Variants in BIRC6 observed in about 807,000 individuals in gnomAD.
BIRC6 encodes baculoviral IAP repeat containing 6.
Under a neutral mutation model 503.3 loss-of-function variants are expected in BIRC6, and 98 were observed. The observed-to-expected ratio is 0.19, with a 90% CI of 0.17 to 0.23. BIRC6 has a LOEUF of 0.23. BIRC6 is among the 10% of genes least tolerant of loss of function. BIRC6 has a pLI of 1.00. For synonymous variants in BIRC6, 2,240 were observed against 2,078.7 expected (o/e 1.08, Z -2.11); for missense variants, 5,360 against 5,806.0 (o/e 0.92, Z 2.50).
At chr2:32,397,574 CTGTGTGTGTGTG>C (rs147651911) in intron 6 of BIRC6, among the ~76,000 whole-genome samples, 10 of 138,066 alleles carry the variant, frequency 7.2e-5, no homozygotes, top group East Asian at 2.1e-4. Flanking sequence ...CCCGTAAAGG[CTGTGTGTGTGTG>C]TGTGTGTGTG....
intron 66 of BIRC6, among the ~76,000 whole-genome samples, chr2:32,589,284 C>T (rs1048359130): frequency 4.6e-5 from 7 of 152,116 alleles, no homozygotes; most frequent in African/African-American, 1.4e-4. Flanking sequence ...GCCGTTTTTC[C>T]TAGCTATCTC....
At chr2:32,443,894 C>A (rs1176021850) in intron 20 of BIRC6, among the ~76,000 whole-genome samples, 1 of 152,118 alleles carries the variant, frequency 6.6e-6, no homozygotes, top group Non-Finnish European at 1.5e-5. Flanking sequence ...AGATCAGATG[C>A]CAGAAACCAG....
Position 32,439,939 on chromosome 2 carries a change from C to T in BIRC6, c.3810+253C>T, listed in dbSNP as rs146444319. 5.6e-4 allele frequency among the ~76,000 whole-genome samples: 85 copies of T among 152,096 alleles called. 1 individual carries two copies. The highest frequency in any genetic ancestry group is 2.1e-3 in the East Asian group (11 of 5,184). On this transcript the variant is annotated intron_variant, in intron 16 of 73. Coordinates refer to ENST00000421745, the MANE Select transcript of BIRC6 (RefSeq NM_016252.4). ...TTTCCCCCAGGCTGGAATGCAGTGGCGCAAACTCGGCTCACTGCAACCTCT... is the reference window on the plus strand; with the variant it reads ...TTTCCCCCAGGCTGGAATGCAGTGGTGCAAACTCGGCTCACTGCAACCTCT...
intron 35 of BIRC6, 124 bp from the exon 36 acceptor site, chr2:32,478,511 A>G: frequency 1.4e-6 from 1 of 723,794 alleles, no homozygotes; most frequent in Non-Finnish European, 2.1e-6. Context: ...TTTTTTTGAT[A>G]CCAGACTCAT....
chr2:32,529,938 T>A, intron 60 of BIRC6, 114 bp downstream of exon 60: 1 of 644,580 alleles, frequency 1.6e-6, no homozygotes, highest in Non-Finnish European at 2.3e-6. Context: ...TAAGATATAA[T>A]TTTTTTATGA....
At chr2:32,594,119 T>G (rs900281785) in intron 67 of BIRC6, 59 bp downstream of exon 67, 1 of 1,518,392 alleles carries the variant, frequency 6.6e-7, no homozygotes, top group Non-Finnish European at 8.9e-7. Context: ...TTCATTTACT[T>G]ACTGAAACCT....
chr2:32,482,927 T>A (rs2050571893), intron 39 of BIRC6, among the ~76,000 whole-genome samples: 1 of 151,980 alleles, frequency 6.6e-6, no homozygotes, highest in Non-Finnish European at 1.5e-5. Context: ...GCAGTTTTTT[T>A]TTTTTTTTGA....
At chr2:32,461,038 T>TCTCC (rs1558789422) in intron 23 of BIRC6, among the ~76,000 whole-genome samples, 4 of 63,406 alleles carry the variant, frequency 6.3e-5, no homozygotes, top group Non-Finnish European at 1.2e-4. Context: ...TTCTCTTCTC[T>TCTCC]TCTCTTCTCT....
In BIRC6 at chr2:32,442,103, A is replaced by C. The variant is rs1425529715; in HGVS notation, c.3983A>C (p.His1328Pro). The change falls in exon 18 of 74, where the codon CAT becomes CCT. Residue 1328 changes from histidine to proline, a missense_variant. This residue lies in a region of BIRC6 where 2,299 missense variants were observed against 2,267.2 expected (regional missense o/e 1.01). Transcript: ENST00000421745. The stretch of plus-strand genomic sequence containing the variant: ...GCCATGTTACAGTTTTCAGAATTTC[A>C]TGAGAAGCTTCTTAATACTCTTTGC... ...RCAMLQFSEFHEKLLNTLCRK... is the reference protein window; with the variant it reads ...RCAMLQFSEFPEKLLNTLCRK... The C allele has an allele frequency of 2.0e-5, 32 of 1,595,924 alleles. No homozygotes were observed. The highest frequency in any genetic ancestry group is 2.6e-5 in the Non-Finnish European group (31 of 1,174,958).
At chr2:32,485,102 G>A (rs1278313215) in intron 39 of BIRC6, among the ~76,000 whole-genome samples, 1 of 152,202 alleles carries the variant, frequency 6.6e-6, no homozygotes, top group Non-Finnish European at 1.5e-5. Context: ...AAGGAGAAAT[G>A]TGGTTAACAA....
intron 72 of BIRC6, among the ~76,000 whole-genome samples, chr2:32,608,368 A>G (rs1344477498): frequency 6.6e-6 from 1 of 151,878 alleles, no homozygotes; most frequent in African/African-American, 2.4e-5. Flanking sequence ...ATTTTTGAGA[A>G]GTTTTTTTCC....
Position 32,400,364 on chromosome 2 carries a change from A to C in BIRC6, c.1035-799A>C, listed in dbSNP as rs1284349182. 2.2e-4 allele frequency among the ~76,000 whole-genome samples: 24 copies of C among 106,712 alleles called. No individual in the cohort carries two copies. The South Asian group carries it at 3.2e-3, about 14-fold the overall frequency. The allele number at this position is 106,712 out of a possible 152,430, so 70.0% of individuals were successfully genotyped here. The stretch of plus-strand genomic sequence containing the variant: ...TTTTTTTTTTTTTTTTTTGAGGTGG[A>C]GTCTCACTCCGTTGCCCAGGCTGGA... On this transcript the variant is annotated intron_variant, in intron 6 of 73. Coordinates refer to ENST00000421745, the MANE Select transcript of BIRC6 (RefSeq NM_016252.4).
At chr2:32,453,750 G>T in intron 22 of BIRC6, 58 bp from the exon 23 acceptor site, 1 of 1,521,040 alleles carries the variant, frequency 6.6e-7, no homozygotes, top group South Asian at 1.1e-5. Flanking sequence ...TTATTGTTGT[G>T]ACTATTGCTT....
chr2:32,368,524 A>G lies in BIRC6; in HGVS notation c.326-9064A>G, dbSNP rs140677331. Among the ~76,000 whole-genome samples, 1,148 of 152,196 alleles carry G rather than the reference A, an allele frequency of 7.5e-3. 8 individuals are homozygous for G. Among genetic ancestry groups the G allele is most frequent in the Middle Eastern group, 0.02 (6 of 294 alleles). Reference sequence around the variant, plus strand: ...CATTGCACTCCAGCCTAGGTGACATAGCGAGACTTTGTCCCCCACACCAAA... The same window carrying G: ...CATTGCACTCCAGCCTAGGTGACATGGCGAGACTTTGTCCCCCACACCAAA... On this transcript the variant is annotated intron_variant, in intron 1 of 73. Transcript: ENST00000421745.
At chr2:32,382,613 G>A (rs1036403544) in intron 3 of BIRC6, among the ~76,000 whole-genome samples, 26 of 152,220 alleles carry the variant, frequency 1.7e-4, no homozygotes, top group African/African-American at 5.8e-4. Context: ...TTGGAGCTCA[G>A]AGACAACAGT....
At chr2:32,475,293 T>TTAA (rs2049614129) in intron 33 of BIRC6, among the ~76,000 whole-genome samples, 1 of 152,170 alleles carries the variant, frequency 6.6e-6, no homozygotes, top group South Asian at 2.1e-4. Context: ...TACTTTATAT[T>TTAA]TAAAGTAACT....
intron 65 of BIRC6, chr2:32,574,896 C>T (rs889772151): frequency 1.3e-5 from 6 of 456,776 alleles, no homozygotes; most frequent in Admixed American, 6.9e-5. Flanking sequence ...TACAGGCATG[C>T]GCCATCCCAC....
chr2:32,515,708 A>G lies in BIRC6; in HGVS notation c.11287A>G (p.Thr3763Ala), dbSNP rs2054956244. Reference sequence around the variant, plus strand: ...ACAGCGCACAGCAATTGAGAATGCAACTGTTGCGTTCTTTCTACAGTGCAT... The same window carrying G: ...ACAGCGCACAGCAATTGAGAATGCAGCTGTTGCGTTCTTTCTACAGTGCAT... ...TQQRTAIENATVAFFLQCISC... is the reference protein window; with the variant it reads ...TQQRTAIENAAVAFFLQCISC... The change falls in exon 55 of 74, where the codon ACT (threonine) becomes GCT (alanine). Residue 3763 changes from threonine (T) to alanine (A), a missense_variant. Thr to Ala is a moderately conservative substitution (Grantham distance 58). Around this residue, in one of 16 missense-constraint regions of BIRC6, gnomAD observed 878 missense variants for 928.9 expected, o/e 0.95. Coordinates refer to ENST00000421745, the MANE Select transcript of BIRC6 (RefSeq NM_016252.4). 7 of 1,602,964 alleles carry G rather than the reference A, an allele frequency of 4.4e-6. No individual in the cohort carries two copies. Among genetic ancestry groups the G allele is most frequent in the Non-Finnish European group, 5.9e-6 (7 of 1,179,830 alleles).
chr2:32,593,574 T>G (rs2061506843), intron 66 of BIRC6, among the ~76,000 whole-genome samples: 1 of 152,194 alleles, frequency 6.6e-6, no homozygotes, highest in South Asian at 2.1e-4. Flanking sequence ...TAAAAACTGC[T>G]TGTGGTCCTT....
Sources: gnomAD v4.1 joint callset for allele counts (sites outside exome capture counted in the v4.1 genomes callset) on GRCh38, gnomAD v4.1.1 for gene constraint, gnomAD v4.1.1 regional missense constraint, MANE v1.5 for transcripts, NCBI Gene and HGNC (gene_info 2026-07-23, HGNC 2026-07-21) for gene names.